CCDC30: variants seen among roughly 807,000 people sequenced by gnomAD.
CCDC30 encodes coiled-coil domain-containing protein 30.
CCDC30 carries 70 observed loss-of-function variants against 100.2 expected under a neutral mutation model. The ratio of observed to expected loss-of-function variants is 0.70; its 90% confidence interval spans 0.58 to 0.85. The LOEUF is 0.85. Among genes scored for constraint, CCDC30 ranks in the 40% least tolerant of loss-of-function variants. The probability of loss-of-function intolerance (pLI) is 0.00; values close to 1 mark genes in which losing one functional copy is unlikely to be tolerated. For synonymous variants in CCDC30, 233 were observed against 269.5 expected (o/e 0.86, Z 1.33); for missense variants, 652 against 771.2 (o/e 0.85, Z 1.83).
intron 2 of CCDC30, among the ~76,000 whole-genome samples, chr1:42,481,065 T>C (rs1643948639): frequency 6.6e-6 from 1 of 151,800 alleles, no homozygotes; most frequent in Non-Finnish European, 1.5e-5. Context: ...GAGCTATGGT[T>C]GCGCCACTGC....
intron 6 of CCDC30, among the ~76,000 whole-genome samples, chr1:42,532,754 A>G (rs1409829470): frequency 1.3e-5 from 2 of 151,880 alleles, no homozygotes; most frequent in Non-Finnish European, 2.9e-5. Context: ...AGGAGGGTGA[A>G]AGTTTTTATT....
At chr1:42,503,046 C>T (rs1644344862) in intron 6 of CCDC30, among the ~76,000 whole-genome samples, 1 of 152,080 alleles carries the variant, frequency 6.6e-6, no homozygotes, top group Non-Finnish European at 1.5e-5. Context: ...CCACACTCAA[C>T]TAATTTTTGT....
chr1:42,640,126 T>C (rs1647283924), intron 12 of CCDC30, among the ~76,000 whole-genome samples: 1 of 152,200 alleles, frequency 6.6e-6, no homozygotes. Context: ...ATTTTATGTA[T>C]ATTTTAGGGC....
At chr1:42,456,542 C>G in the CCDC30 span, 25 of 1,447,434 alleles carry the variant, frequency 1.7e-5, no homozygotes, top group African/African-American at 3.5e-4. Flanking sequence ...GAAACGTGCG[C>G]AGGCGCCGGC....
chr1:42,584,707 A>T (rs1297575061), intron 9 of CCDC30, among the ~76,000 whole-genome samples: 1 of 152,228 alleles, frequency 6.6e-6, no homozygotes, highest in Non-Finnish European at 1.5e-5. Context: ...AAGAAAGTTC[A>T]TTTGGCCAGA....
At chr1:42,558,927 A>G (rs1645427801) in intron 6 of CCDC30, among the ~76,000 whole-genome samples, 1 of 152,250 alleles carries the variant, frequency 6.6e-6, no homozygotes, top group African/African-American at 2.4e-5. Flanking sequence ...GAAGCCTATC[A>G]GTTTAACAGT....
intron 8 of CCDC30, among the ~76,000 whole-genome samples, chr1:42,578,446 T>C (rs897450008): frequency 1.3e-5 from 2 of 152,180 alleles, no homozygotes; most frequent in Non-Finnish European, 2.9e-5. Context: ...GATACACAAG[T>C]CAGATTTCAT....
At chr1:42,592,895 A>G (rs1418447745) in intron 10 of CCDC30, 1 of 152,182 alleles carries the variant, frequency 6.6e-6, no homozygotes, top group African/African-American at 2.4e-5. Flanking sequence ...CGCTTTCTGT[A>G]TAGCCGGCAG....
intron 1 of CCDC30, among the ~76,000 whole-genome samples, chr1:42,474,758 A>T (rs566588810): frequency 1.3e-5 from 2 of 152,256 alleles, no homozygotes; most frequent in African/African-American, 2.4e-5. Context: ...TTCACCTCCA[A>T]AGTGGGAGAA....
At chr1:42,595,120 G>A (rs921290761) in intron 10 of CCDC30, 2 of 151,918 alleles carry the variant, frequency 1.3e-5, no homozygotes, top group African/African-American at 4.8e-5. Flanking sequence ...TTGCTATAAA[G>A]TGATTTTCTT....
chr1:42,581,393 C>T (rs779625472), exon 9 of CCDC30: 2 of 1,611,578 alleles, frequency 1.2e-6, no homozygotes, highest in Non-Finnish European at 1.7e-6. Context: ...AGAACATGCT[C>T]ATAAAGTCTG....
intron 6 of CCDC30, among the ~76,000 whole-genome samples, chr1:42,548,184 G>A (rs1165232070): frequency 2.0e-5 from 3 of 152,212 alleles, no homozygotes; most frequent in Admixed American, 6.5e-5. Flanking sequence ...GAAGGGACAC[G>A]AAGACCTGTA....
chr1:42,621,668 C>A (rs558132115), intron 11 of CCDC30, among the ~76,000 whole-genome samples: 1 of 152,022 alleles, frequency 6.6e-6, no homozygotes, highest in Non-Finnish European at 1.5e-5. Flanking sequence ...CCTGCCACCA[C>A]GCAGGCTAAT....
At chr1:42,652,795 A>G (rs775910729) in intron 15 of CCDC30, among the ~76,000 whole-genome samples, 1 of 152,242 alleles carries the variant, frequency 6.6e-6, no homozygotes, top group Non-Finnish European at 1.5e-5. Flanking sequence ...CACATATTGT[A>G]TGATTCTATT....
Position 42,637,220 on chromosome 1 carries a change from C to A in CCDC30, c.1278-17C>A. The A allele has an allele frequency of 6.4e-7, 1 of 1,572,846 alleles. No homozygotes were observed. The highest frequency in any genetic ancestry group is 1.2e-5 in the South Asian group (1 of 83,926). On this transcript the variant is annotated splice_polypyrimidine_tract_variant and intron_variant, in intron 11 of 16. Transcript: ENST00000668663. ...AACTGTGTTCAGATGTGTCTAAACTCAAATTTACTTTTATAGAAACTATAA... is the reference window on the plus strand; with the variant it reads ...AACTGTGTTCAGATGTGTCTAAACTAAAATTTACTTTTATAGAAACTATAA...
At chr1:42,457,571 T>C in the CCDC30 span, 1 of 572,672 alleles carries the variant, frequency 1.7e-6, no homozygotes, top group African/African-American at 1.9e-5. Flanking sequence ...AGTGGAGGTA[T>C]GTACAAAGTG....
intron 11 of CCDC30, among the ~76,000 whole-genome samples, chr1:42,629,356 C>T (rs932468271): frequency 6.6e-6 from 1 of 152,182 alleles, no homozygotes; most frequent in African/African-American, 2.4e-5. Flanking sequence ...GCCACTCTCT[C>T]GTGGCCTGTA....
At chr1:42,523,235 G>A (rs1224040527) in intron 6 of CCDC30, among the ~76,000 whole-genome samples, 2 of 152,082 alleles carry the variant, frequency 1.3e-5, no homozygotes, top group African/African-American at 4.8e-5. Flanking sequence ...CAACCTGTAG[G>A]TCTCCTTTTA....
At chr1:42,463,660 AG>A (rs1359664030) in exon 1 of CCDC30, 1 of 152,168 alleles carries the variant, frequency 6.6e-6, no homozygotes, top group East Asian at 1.9e-4. Context: ...TCAGCGAGGT[AG>A]GTCGGCGTTC....
Sources: gnomAD v4.1 joint callset for allele counts (sites outside exome capture counted in the v4.1 genomes callset) on GRCh38, gnomAD v4.1.1 for gene constraint, MANE v1.5 for transcripts, NCBI Gene and HGNC (gene_info 2026-07-23, HGNC 2026-07-21) for gene names.